The following KHDRBS2 variants were observed in gnomAD, a reference collection of about 807,000 sequenced individuals.
KHDRBS2 encodes the protein KH RNA binding domain containing, signal transduction associated 2.
KHDRBS2 carries 26 observed loss-of-function variants against 44.3 expected under a neutral mutation model. That is an observed-to-expected ratio of 0.59 (90% CI 0.43 to 0.81). The LOEUF is 0.81. KHDRBS2 is among the 40% of genes least tolerant of loss of function. The pLI, the probability that KHDRBS2 is intolerant of heterozygous loss-of-function variation, is 0.00. For missense variants in KHDRBS2, 476 were observed against 433.1 expected (o/e 1.10, Z -0.88); for synonymous variants, 194 against 151.1 (o/e 1.28, Z -2.08).
chr6:61,877,446 T>C (rs2127312105), intron 6 of KHDRBS2, among the ~76,000 whole-genome samples: 1 of 151,606 alleles, frequency 6.6e-6, no homozygotes, highest in African/African-American at 2.4e-5. Flanking sequence ...TTTTTTTGTT[T>C]TTGTTTTTGT....
intron 6 of KHDRBS2, among the ~76,000 whole-genome samples, chr6:61,802,758 T>A (rs370388132): frequency 6.6e-6 from 1 of 152,188 alleles, no homozygotes; most frequent in African/African-American, 2.4e-5. Flanking sequence ...GTACAGTTTG[T>A]GGCCTCAGGC....
intron 7 of KHDRBS2, among the ~76,000 whole-genome samples, chr6:61,698,523 C>G (rs1014094192): frequency 1.3e-5 from 2 of 152,014 alleles, no homozygotes; most frequent in African/African-American, 4.8e-5. Context: ...GTTTCTAGGC[C>G]CTGATTGCTC....
intron 2 of KHDRBS2, among the ~76,000 whole-genome samples, chr6:62,173,050 A>C (rs1489385878): frequency 6.6e-6 from 1 of 152,020 alleles, no homozygotes; most frequent in Non-Finnish European, 1.5e-5. Context: ...GAGCAAACCA[A>C]CATCAAAGCT....
intron 1 of KHDRBS2, among the ~76,000 whole-genome samples, chr6:62,261,505 T>C (rs1270944562): frequency 2.6e-5 from 4 of 151,880 alleles, no homozygotes; most frequent in Admixed American, 2.6e-4. Context: ...AAGAGATGTG[T>C]ATATGCTTTT....
In KHDRBS2 at chr6:62,067,174, C is replaced by T. The variant is rs563332797; in HGVS notation, c.220-19180G>A. Reference sequence around the variant, plus strand: ...CCCAATTCCAGTTAGTATTCCCATCCGCTTTTCTGAAATCCTTAACTAAAA... The same window carrying T: ...CCCAATTCCAGTTAGTATTCCCATCTGCTTTTCTGAAATCCTTAACTAAAA... On this transcript the variant is annotated intron_variant, in intron 2 of 8. Coordinates refer to ENST00000281156, the MANE Select transcript of KHDRBS2 (RefSeq NM_152688.4). Among the ~76,000 whole-genome samples the T allele has an allele frequency of 3.0e-4, 46 of 151,492 alleles. No individual in the cohort carries two copies. The South Asian group carries it at 7.5e-3, about 25-fold the overall frequency.
chr6:61,900,676 G>A (rs1384903921), intron 5 of KHDRBS2, among the ~76,000 whole-genome samples: 2 of 152,146 alleles, frequency 1.3e-5, no homozygotes, highest in Admixed American at 6.5e-5. Flanking sequence ...CATGCAAGAA[G>A]TGTTCTGGCT....
chr6:62,246,102 TTATATATATATATATATATA>T (rs150717074), intron 1 of KHDRBS2, among the ~76,000 whole-genome samples: 2 of 124,338 alleles, frequency 1.6e-5, no homozygotes, highest in African/African-American at 2.9e-5. Context: ...TCAATCAATT[TTATATATATATATATATATA>T]TATATATATA....
At chr6:61,643,354 C>A in the KHDRBS2 span, among the ~76,000 whole-genome samples, 1 of 152,090 alleles carries the variant, frequency 6.6e-6, no homozygotes, top group Non-Finnish European at 1.5e-5. Context: ...CAGCTGACAT[C>A]ATACAGAATG....
chr6:61,779,309 C>T (rs1782580242), intron 6 of KHDRBS2, among the ~76,000 whole-genome samples: 1 of 151,972 alleles, frequency 6.6e-6, no homozygotes, highest in East Asian at 1.9e-4. Flanking sequence ...TAAAAAATAA[C>T]CCATGGAGTT....
intron 4 of KHDRBS2, among the ~76,000 whole-genome samples, chr6:61,943,541 A>T (rs1001826591): frequency 1.3e-5 from 2 of 152,170 alleles, no homozygotes; most frequent in Non-Finnish European, 2.9e-5. Flanking sequence ...TTATAAAGTT[A>T]TAAAACTACT....
chr6:61,573,959 A>G, the KHDRBS2 span, among the ~76,000 whole-genome samples: 2 of 152,182 alleles, frequency 1.3e-5, no homozygotes, highest in Non-Finnish European at 2.9e-5. Context: ...ATGGAACACA[A>G]TAGAGAAGCC....
the KHDRBS2 span, among the ~76,000 whole-genome samples, chr6:61,635,300 T>C: frequency 6.6e-6 from 1 of 151,950 alleles, no homozygotes; most frequent in African/African-American, 2.4e-5. Context: ...TCAGAATGAC[T>C]TGGGCAAGAA....
At chr6:61,733,782 A>G (rs1435997438) in intron 6 of KHDRBS2, among the ~76,000 whole-genome samples, 4 of 152,260 alleles carry the variant, frequency 2.6e-5, no homozygotes, top group Non-Finnish European at 5.9e-5. Flanking sequence ...ATCACTCTGA[A>G]TGATTTAGTT....
the KHDRBS2 span, among the ~76,000 whole-genome samples, chr6:61,579,943 G>C: frequency 1.3e-5 from 2 of 151,050 alleles, no homozygotes; most frequent in Non-Finnish European, 2.9e-5. Flanking sequence ...TGTAATCCCA[G>C]CTACTTGGGA....
chr6:61,849,241 C>T (rs557567257), intron 6 of KHDRBS2, among the ~76,000 whole-genome samples: 61 of 152,190 alleles, frequency 4.0e-4, no homozygotes, highest in South Asian at 1.2e-3. Flanking sequence ...GTTGCTTGAA[C>T]TGATCATAAT....
chr6:61,567,877 T>C, the KHDRBS2 span, among the ~76,000 whole-genome samples: 6 of 152,264 alleles, frequency 3.9e-5, no homozygotes, highest in African/African-American at 1.4e-4. Flanking sequence ...GTGAGGGTGA[T>C]CTAGCTGTGA....
chr6:61,651,106 T>C, the KHDRBS2 span, among the ~76,000 whole-genome samples: 668 of 152,200 alleles, frequency 4.4e-3, 5 homozygotes, highest in African/African-American at 0.015. Context: ...AAGAATATGA[T>C]TGATAAACAT....
intron 4 of KHDRBS2, among the ~76,000 whole-genome samples, chr6:61,937,446 G>T (rs1361894127): frequency 6.6e-6 from 1 of 151,782 alleles, no homozygotes; most frequent in African/African-American, 2.4e-5. Flanking sequence ...ACGTCACTAG[G>T]CTTCCTATTT....
At chr6:62,108,049 C>A (rs1440453257) in intron 2 of KHDRBS2, among the ~76,000 whole-genome samples, 1 of 152,136 alleles carries the variant, frequency 6.6e-6, no homozygotes, top group Non-Finnish European at 1.5e-5. Context: ...GACTTCATGT[C>A]TAAAACACCA....
Sources: allele counts gnomAD v4.1 joint callset (sites outside exome capture counted in the v4.1 genomes callset), GRCh38; gene constraint gnomAD v4.1.1; transcripts MANE v1.5; gene names NCBI Gene and HGNC (gene_info 2026-07-23, HGNC 2026-07-21).